Variants in INSR observed in about 807,000 individuals in gnomAD.
INSR encodes insulin receptor.
In INSR, 67 loss-of-function variants were observed where a neutral mutation model predicts 142.6. The ratio of observed to expected loss-of-function variants is 0.47; its 90% CI spans 0.39 to 0.58. INSR has a LOEUF of 0.58. Ranked by LOEUF, INSR falls within the 20% of genes least tolerant of loss-of-function variation. The pLI is 0.00. For synonymous variants in INSR, 756 were observed against 743.1 expected, an observed-to-expected ratio of 1.02 and a Z score of -0.28; for missense variants, 1,248 against 1,833.2, an observed-to-expected ratio of 0.68 and a Z score of 5.83.
chr19:7,117,254 C>T lies in INSR; in HGVS notation c.3951G>A (p.Leu1317=). ...EENKAPESEE[L]EMEFEDMENV... is the part of the protein sequence containing the mutation. ...TCTCCATGTCCTCAAACTCCATCTC[C>T]AGCTCCTCACTCTCGGGAGCCTTGT... The change falls in exon 22 of 22, where the codon CTG becomes CTA. Residue 1317 remains leucine, a synonymous_variant. Coordinates refer to ENST00000302850, the MANE Select transcript of INSR (RefSeq NM_000208.4). 2 of 1,614,204 alleles carry T rather than the reference C, an allele frequency of 1.2e-6. No individual in the cohort carries two copies. The highest frequency in any genetic ancestry group is 1.7e-6 in the Non-Finnish European group (2 of 1,180,038).
chr19:7,247,080 C>G (rs1976559588), intron 2 of INSR, among the ~76,000 whole-genome samples: 1 of 152,136 alleles, frequency 6.6e-6, no homozygotes, highest in Non-Finnish European at 1.5e-5. Flanking sequence ...AGCTGAGAGC[C>G]CTGTGTTGCC....
chr19:7,135,394 C>T (rs1025646156), intron 13 of INSR, among the ~76,000 whole-genome samples: 10 of 128,776 alleles, frequency 7.8e-5, no homozygotes, highest in Admixed American at 1.9e-4. Flanking sequence ...TGGCTCACTG[C>T]GACCTCCGCC....
intron 17 of INSR, among the ~76,000 whole-genome samples, chr19:7,123,754 C>G (rs1259284873): frequency 6.6e-6 from 1 of 151,210 alleles, no homozygotes; most frequent in African/African-American, 2.4e-5. Context: ...GAAACCCCAT[C>G]TCTACTAAAA....
intron 2 of INSR, among the ~76,000 whole-genome samples, chr19:7,262,089 C>T (rs1289535771): frequency 6.6e-6 from 1 of 152,210 alleles, no homozygotes; most frequent in Non-Finnish European, 1.5e-5. Context: ...GGATAGTTTT[C>T]TCCAGCCCAT....
chr19:7,281,969 C>T (rs1037348587), intron 1 of INSR, among the ~76,000 whole-genome samples: 1 of 152,108 alleles, frequency 6.6e-6, no homozygotes, highest in Admixed American at 6.6e-5. Flanking sequence ...CATTCATTCC[C>T]ACAAGTCCGC....
chr19:7,153,215 A>AAT (rs1973462490), intron 9 of INSR, among the ~76,000 whole-genome samples: 3 of 41,236 alleles, frequency 7.3e-5, no homozygotes, highest in African/African-American at 2.0e-4. Context: ...ACCACACACC[A>AAT]CACACACGCA....
intron 2 of INSR, among the ~76,000 whole-genome samples, chr19:7,186,767 C>T (rs562839721): frequency 7.2e-5 from 11 of 152,036 alleles, no homozygotes; most frequent in East Asian, 1.9e-4. Flanking sequence ...TGCAGTGGCG[C>T]GATCTCAGCT....
intron 1 of INSR, among the ~76,000 whole-genome samples, chr19:7,282,756 G>A (rs1436890615): frequency 6.6e-6 from 1 of 151,928 alleles, no homozygotes; most frequent in African/African-American, 2.4e-5. Context: ...GGAGGCCGAG[G>A]TGGGGGATCA....
At position 7,119,877 on chromosome 19, in the gene INSR, AAC is replaced by A. The variant is rs1411479508; in HGVS notation, c.3660-296_3660-295del. On this transcript the variant is annotated intron_variant, in intron 20 of 21. Transcript: ENST00000302850. This position sits in a 1 kb window ranked among gnomAD's most constrained non-coding sequence, Gnocchi z 5.2. ...ACGCACACACATGCAAACACACACA[AAC>A]ACACATATGCACACACATACACACA... Among the ~76,000 whole-genome samples, 4 of 151,340 alleles carry A rather than the reference AAC, an allele frequency of 2.6e-5. No individual in the cohort carries two copies. Among genetic ancestry groups the A allele is most frequent in the South Asian group, 4.2e-4 (2 of 4,786 alleles).
intron 10 of INSR, among the ~76,000 whole-genome samples, chr19:7,151,522 C>A (rs1226548861): frequency 5.3e-5 from 8 of 150,354 alleles, no homozygotes; most frequent in Non-Finnish European, 1.2e-4. Context: ...TTGGCCTCAA[C>A]TGATTCTCCC....
chr19:7,155,478 CATTGAGCCAAG>C (rs1346107231), intron 9 of INSR, among the ~76,000 whole-genome samples: 1 of 146,956 alleles, frequency 6.8e-6, no homozygotes, highest in Non-Finnish European at 1.5e-5. Flanking sequence ...GCGGAGGTTG[CATTGAGCCAAG>C]ATTGCGCCAC....
rs556882961 is a variant in INSR, at chr19:7,134,025, G to A, written c.2683-1708C>T. Among the ~76,000 whole-genome samples, 3 of 152,158 alleles carry A rather than the reference G, an allele frequency of 2.0e-5. No individual in the cohort carries two copies. In the East Asian group the frequency reaches 5.8e-4, roughly 29 times the overall value. On this transcript the variant is annotated intron_variant, in intron 13 of 21. Transcript: ENST00000302850. ...TCCGAGATCTCATAGCTGCAAAGTG[G>A]CAGGGCCAGCTCTTGAACTCAGAAC...
intron 2 of INSR, among the ~76,000 whole-genome samples, chr19:7,197,842 G>GAA (rs1974817240): frequency 8.2e-6 from 1 of 121,978 alleles, no homozygotes; most frequent in Non-Finnish European, 1.8e-5. Flanking sequence ...GAACGAGAGA[G>GAA]AGAGAGAGAG....
intron 2 of INSR, among the ~76,000 whole-genome samples, chr19:7,245,774 C>CAACAAAACAA (rs1976523294): frequency 6.6e-6 from 1 of 152,014 alleles, no homozygotes; most frequent in Admixed American, 6.6e-5. Flanking sequence ...AACAAAACGA[C>CAACAAAACAA]AACAAAAACA....
Position 7,159,042 on chromosome 19 carries a change from A to C in INSR, c.2029+3990T>G, listed in dbSNP as rs1973685128. 6.6e-6 allele frequency among the ~76,000 whole-genome samples: 1 copy of C among 152,054 alleles called. No individual in the cohort carries two copies. Among genetic ancestry groups the C allele is most frequent in the Admixed American group, 6.6e-5 (1 of 15,244 alleles). On this transcript the variant is annotated intron_variant, in intron 9 of 21. Transcript: ENST00000302850. This position sits in a 1 kb window ranked among gnomAD's most constrained non-coding sequence, Gnocchi z 4.3. ...CTCAGCCTCCTGAGTAGCTGGGATT[A>C]CAGGCACCCACCACCACACCCAACT...
At chr19:7,140,773 C>CTTTTTTTTTT (rs34805383) in intron 13 of INSR, among the ~76,000 whole-genome samples, 3 of 139,480 alleles carry the variant, frequency 2.2e-5, no homozygotes, top group African/African-American at 7.9e-5. Flanking sequence ...ATTAACGGCC[C>CTTTTTTTTTT]TTTTTTTTTT....
In INSR at chr19:7,184,625, A is replaced by G. The variant is rs777772405; in HGVS notation, c.665T>C (p.Ile222Thr). ...GGCGGTGCAGCCGTGTGACTTACAG[A>G]TGGTCGGGCAAACTGGAGAGAGAGA... ...HSHCQKVCPT[I>T]CKSHGCTAEG... is the part of the protein sequence containing the mutation. The change falls in exon 3 of 22, where the codon ATC becomes ACC. Residue 222 changes from isoleucine (I) to threonine (T), a missense_variant. Physicochemically the swap from Ile to Thr is moderately conservative, Grantham distance 89. Coordinates refer to ENST00000302850, the MANE Select transcript of INSR (RefSeq NM_000208.4). 6.2e-7 allele frequency: 1 copy of G among 1,607,214 alleles called. No homozygotes were observed. The highest frequency in any genetic ancestry group is 1.1e-5 in the South Asian group (1 of 90,864).
intron 2 of INSR, among the ~76,000 whole-genome samples, chr19:7,255,140 G>A (rs1321133476): frequency 6.6e-6 from 1 of 151,946 alleles, no homozygotes; most frequent in Non-Finnish European, 1.5e-5. Flanking sequence ...GTGACCACAC[G>A]GTCAACTGGT....
At chr19:7,167,059 C>T (rs1973905068) in intron 7 of INSR, among the ~76,000 whole-genome samples, 1 of 152,152 alleles carries the variant, frequency 6.6e-6, no homozygotes, top group Admixed American at 6.6e-5. Flanking sequence ...ATCTAAAAAT[C>T]TGAAATCTGA....
Sources: allele counts gnomAD v4.1 joint callset (sites outside exome capture counted in the v4.1 genomes callset), GRCh38; gene constraint gnomAD v4.1.1; non-coding constraint Gnocchi (gnomAD v3.1); transcripts MANE v1.5; gene names NCBI Gene and HGNC (gene_info 2026-07-23, HGNC 2026-07-21).